The following VIT variants were observed in gnomAD, a reference collection of about 807,000 sequenced individuals.
The protein encoded by VIT is vitrin.
A neutral mutation model predicts 78.0 loss-of-function variants in VIT; 99 were observed. The observed-to-expected ratio is 1.27, with a 90% CI of 1.08 to 1.50. VIT has a LOEUF of 1.50. Among genes scored for constraint, VIT ranks in the 40% most tolerant of loss-of-function variants. The pLI, the probability that VIT is intolerant of heterozygous loss-of-function variation, is 0.00. For missense variants in VIT, 1,126 were observed against 875.3 expected (o/e 1.29, Z -3.61); for synonymous variants, 374 against 334.3 (o/e 1.12, Z -1.29).
At chr2:36,729,298 C>T in intron 2 of VIT, 128 bp from the exon 3 acceptor site, 4 of 713,078 alleles carry the variant, frequency 5.6e-6, no homozygotes, top group East Asian at 3.0e-5. Flanking sequence ...TGATGCATGA[C>T]TGTAAGAGGG....
chr2:36,759,305 G>C (rs767650125), intron 6 of VIT: 21 of 1,444,426 alleles, frequency 1.5e-5, no homozygotes, highest in Non-Finnish European at 1.9e-5. Context: ...CAGATTGACT[G>C]TTGCCTTGAG....
chr2:36,752,780 A>G (rs1668540924), intron 4 of VIT, among the ~76,000 whole-genome samples: 1 of 152,246 alleles, frequency 6.6e-6, no homozygotes, highest in Non-Finnish European at 1.5e-5. Context: ...TAGTTCAACC[A>G]TTGTGGAAAA....
At chr2:36,727,103 C>A (rs75626624) in intron 2 of VIT, among the ~76,000 whole-genome samples, 2,318 of 152,176 alleles carry the variant, frequency 0.015, 68 homozygotes, top group African/African-American at 0.054. Flanking sequence ...GCAGTTGCCT[C>A]GATGGGACAC....
rs372148082 is a variant in VIT, at chr2:36,806,905, G to T, written c.1389+1241G>T. On this transcript the variant is annotated intron_variant, in intron 14 of 15. Coordinates refer to ENST00000379242, the MANE Select transcript of VIT (RefSeq NM_053276.4). ...GCTCTGTAGCCATCCATTTTCAGCTGACTGACTTTTCTCCACCTGATGTTC... is the reference window on the plus strand; with the variant it reads ...GCTCTGTAGCCATCCATTTTCAGCTTACTGACTTTTCTCCACCTGATGTTC... Among the ~76,000 whole-genome samples the T allele has an allele frequency of 6.6e-5, 10 of 152,016 alleles. No individual in the cohort carries two copies. The East Asian group carries it at 1.2e-3, about 18-fold the overall frequency.
intron 1 of VIT, among the ~76,000 whole-genome samples, chr2:36,712,008 G>A (rs1665831980): frequency 2.0e-5 from 3 of 152,128 alleles, no homozygotes; most frequent in South Asian, 4.2e-4. Context: ...GTTAGAACCC[G>A]GGTGAGCCCA....
chr2:36,739,740 CGGTG>C (rs1355118770), intron 3 of VIT, among the ~76,000 whole-genome samples: 4 of 152,018 alleles, frequency 2.6e-5, no homozygotes, highest in East Asian at 3.9e-4. Context: ...TCATATGAGA[CGGTG>C]GGTGGGTGGG....
At chr2:36,814,118 G>T in intron 15 of VIT, 65 bp from the exon 16 acceptor site, 1 of 1,571,000 alleles carries the variant, frequency 6.4e-7, no homozygotes, top group Non-Finnish European at 8.7e-7. Flanking sequence ...GCCACAAGAA[G>T]AGAGAGATTC....
At chr2:36,728,834 A>AAAAAAAAAAAAAG (rs761254776) in intron 2 of VIT, among the ~76,000 whole-genome samples, 2 of 146,776 alleles carry the variant, frequency 1.4e-5, no homozygotes, top group Non-Finnish European at 3.0e-5. Context: ...AAAAAAGAAA[A>AAAAAAAAAAAAAG]AAGAAAAAAT....
intron 7 of VIT, among the ~76,000 whole-genome samples, chr2:36,773,026 C>G (rs1450810917): frequency 2.6e-5 from 4 of 152,162 alleles, no homozygotes; most frequent in South Asian, 4.1e-4. Flanking sequence ...GTTTCCTTCG[C>G]TCACAGAGTA....
chr2:36,778,928 G>A (rs560703581), intron 9 of VIT, among the ~76,000 whole-genome samples: 2 of 152,300 alleles, frequency 1.3e-5, no homozygotes, highest in East Asian at 3.9e-4. Flanking sequence ...GAGCTGAAGG[G>A]ACACTCGGGC....
chr2:36,725,265 G>C (rs753586612), intron 2 of VIT, among the ~76,000 whole-genome samples: 5 of 152,180 alleles, frequency 3.3e-5, no homozygotes, highest in Non-Finnish European at 7.3e-5. Context: ...TAGTGTCTTA[G>C]TTCATGCAGT....
At chr2:36,764,092 G>A (rs1038540303) in intron 6 of VIT, among the ~76,000 whole-genome samples, 8 of 152,228 alleles carry the variant, frequency 5.3e-5, no homozygotes, top group African/African-American at 1.9e-4. Flanking sequence ...AGCAGCCTTG[G>A]GATTAGCCAA....
chr2:36,704,384 C>T (rs1040653915), intron 1 of VIT, among the ~76,000 whole-genome samples: 17 of 152,182 alleles, frequency 1.1e-4, no homozygotes, highest in Admixed American at 7.2e-4. Flanking sequence ...ATAGTTATTA[C>T]TATGGGCATG....
chr2:36,800,997 C>T (rs761993440), intron 12 of VIT, among the ~76,000 whole-genome samples: 2 of 152,126 alleles, frequency 1.3e-5, no homozygotes, highest in African/African-American at 4.8e-5. Flanking sequence ...ACAACAGTCC[C>T]GTTCATTAGC....
Position 36,805,312 on chromosome 2 carries a change from A to AG in VIT, c.1163-126_1163-125insG, listed in dbSNP as rs201540798. 2.0e-3 allele frequency: 2,250 copies of AG among 1,111,148 alleles called. 26 individuals are homozygous for AG. The African/African-American group carries it at 0.033, about 16-fold the overall frequency. The allele number at this position is 1,111,148 out of a possible 1,614,324, so 68.8% of individuals were successfully genotyped here. A position where few individuals can be genotyped will look rare whatever the true frequency, so the allele number is the denominator to read the frequency against. On this transcript the variant is annotated intron_variant, in intron 13 of 15. Transcript: ENST00000379242. ...GAGCAAGACCCTGTCTCAAAGGAAA[A>AG]AAAAAAAAAAAAAAACTAGGGAGGG...
rs558255422 is a variant in VIT at position 36,709,557 on chromosome 2, T to C, written c.-18-6796T>C. 5.3e-5 allele frequency among the ~76,000 whole-genome samples: 8 copies of C among 152,350 alleles called. No individual in the cohort carries two copies. In the East Asian group the frequency reaches 1.5e-3, roughly 29 times the overall value. On this transcript the variant is annotated intron_variant, in intron 1 of 15. Coordinates refer to ENST00000379242, the MANE Select transcript of VIT (RefSeq NM_053276.4). ...GCACATAGTACGTATACTTTTATTT[T>C]TTAATGATTAATGGATGCATGAAAG...
At chr2:36,719,659 C>A (rs984231647) in intron 2 of VIT, among the ~76,000 whole-genome samples, 1 of 152,166 alleles carries the variant, frequency 6.6e-6, no homozygotes, top group Non-Finnish European at 1.5e-5. Context: ...GTTGATGAGG[C>A]CAGGCACAGT....
chr2:36,809,872 T>G (rs1667022611), intron 15 of VIT, among the ~76,000 whole-genome samples: 1 of 151,730 alleles, frequency 6.6e-6, no homozygotes, highest in Admixed American at 6.6e-5. Flanking sequence ...ACGCCTATTA[T>G]CCCAGCTACT....
intron 9 of VIT, among the ~76,000 whole-genome samples, chr2:36,779,968 G>A (rs1369542997): frequency 6.6e-6 from 1 of 152,200 alleles, no homozygotes; most frequent in Non-Finnish European, 1.5e-5. Flanking sequence ...CAGGCTCCCA[G>A]TTGGTCTTTG....
Sources: allele counts gnomAD v4.1 joint callset (sites outside exome capture counted in the v4.1 genomes callset), GRCh38; gene constraint gnomAD v4.1.1; transcripts MANE v1.5; gene names NCBI Gene and HGNC (gene_info 2026-07-23, HGNC 2026-07-21).